LTBP1: variants seen among roughly 807,000 people sequenced by gnomAD.
LTBP1 encodes the protein latent transforming growth factor beta binding protein 1, also known as latent-transforming growth factor beta-binding protein 1.
Under a neutral mutation model 207.6 loss-of-function variants are expected in LTBP1, and 129 were observed. That is an observed-to-expected ratio of 0.62 (90% CI 0.54 to 0.72). The LOEUF (loss-of-function observed/expected upper bound fraction) is 0.72. Ranked by LOEUF, LTBP1 falls within the 30% of genes least tolerant of loss-of-function variation. The pLI is 0.00. For synonymous variants in LTBP1, 963 were observed against 833.7 expected (o/e 1.16, Z -2.67); for missense variants, 2,281 against 2,217.2 (o/e 1.03, Z -0.58).
intron 24 of LTBP1, among the ~76,000 whole-genome samples, chr2:33,319,444 G>A (rs186396660): frequency 6.6e-6 from 1 of 152,190 alleles, no homozygotes; most frequent in African/African-American, 2.4e-5. Flanking sequence ...AAGCTGATTT[G>A]AGATTCGGTC....
chr2:33,067,144 C>G (rs2077553687), intron 3 of LTBP1, among the ~76,000 whole-genome samples: 1 of 152,188 alleles, frequency 6.6e-6, no homozygotes, highest in South Asian at 2.1e-4. Context: ...TGCCCTCCAC[C>G]CTGGGCTACA....
At chr2:33,033,666 G>A (rs1218975619) in intron 3 of LTBP1, among the ~76,000 whole-genome samples, 1 of 150,976 alleles carries the variant, frequency 6.6e-6, no homozygotes, top group Admixed American at 6.6e-5. Context: ...CAATCTGAAA[G>A]CTAACTGGCT....
chr2:32,964,929 A>G (rs1572852713), intron 2 of LTBP1, among the ~76,000 whole-genome samples: 1 of 151,986 alleles, frequency 6.6e-6, no homozygotes. Context: ...AGTCCCAGCT[A>G]CTCGGGAGGC....
At chr2:33,089,523 A>G (rs915664993) in intron 3 of LTBP1, among the ~76,000 whole-genome samples, 1 of 152,196 alleles carries the variant, frequency 6.6e-6, no homozygotes, top group African/African-American at 2.4e-5. Flanking sequence ...AGTGCACAAG[A>G]TAGCCCCCTA....
chr2:33,368,855 C>T (rs1484181859), intron 31 of LTBP1, among the ~76,000 whole-genome samples: 1 of 152,152 alleles, frequency 6.6e-6, no homozygotes, highest in Non-Finnish European at 1.5e-5. Flanking sequence ...CCATCCTGGG[C>T]AGCAGAGCCA....
intron 31 of LTBP1, among the ~76,000 whole-genome samples, chr2:33,371,230 T>C (rs943036093): frequency 2.8e-4 from 42 of 152,356 alleles, no homozygotes; most frequent in African/African-American, 9.6e-4. Flanking sequence ...TTCCTGATTT[T>C]TCCTTCACCA....
At chr2:33,008,919 G>A (rs1025809540) in intron 2 of LTBP1, among the ~76,000 whole-genome samples, 1 of 152,226 alleles carries the variant, frequency 6.6e-6, no homozygotes, top group Non-Finnish European at 1.5e-5. Flanking sequence ...GATGGAAGCA[G>A]GCTTGGTGTG....
At chr2:32,976,322 G>A (rs1263292536) in intron 2 of LTBP1, among the ~76,000 whole-genome samples, 4 of 152,156 alleles carry the variant, frequency 2.6e-5, no homozygotes, top group Non-Finnish European at 5.9e-5. Flanking sequence ...CCTCAGGGCC[G>A]TGGCAGTGGG....
chr2:32,977,340 C>T (rs539552274), intron 2 of LTBP1, among the ~76,000 whole-genome samples: 13 of 152,348 alleles, frequency 8.5e-5, no homozygotes, highest in Admixed American at 2.6e-4. Flanking sequence ...TCCCTGCCGT[C>T]TGGGTGTTTC....
chr2:33,305,644 A>C (rs541884158), intron 22 of LTBP1, among the ~76,000 whole-genome samples: 19 of 152,302 alleles, frequency 1.2e-4, no homozygotes, highest in African/African-American at 4.3e-4. Context: ...GTATCTATGC[A>C]TTTGGAATTT....
rs114513599 is a variant in LTBP1 at position 33,189,508 on chromosome 2, T to G, written c.1701+657T>G. Among the ~76,000 whole-genome samples, 825 of 152,332 alleles carry G rather than the reference T, an allele frequency of 5.4e-3. 4 individuals carry two copies. Among genetic ancestry groups the G allele is most frequent in the Middle Eastern group, 0.031 (9 of 294 alleles). ...ACCATGCCTGGCTTCCAGAAATGTT[T>G]CAGGAAGTCCATGATTACCTGTTTC... On this transcript the variant is annotated intron_variant, in intron 7 of 33. Coordinates refer to ENST00000404816, the MANE Select transcript of LTBP1 (RefSeq NM_206943.4).
intron 4 of LTBP1, 87 bp downstream of exon 4, chr2:33,110,838 CA>C (rs1450023839): frequency 2.4e-5 from 29 of 1,201,108 alleles, no homozygotes; most frequent in Non-Finnish European, 2.9e-5. Context: ...TTTAATGTGT[CA>C]CAGTAAATAA....
intron 5 of LTBP1, among the ~76,000 whole-genome samples, chr2:33,182,717 C>T (rs1245240981): frequency 0.023 from 1,580 of 69,504 alleles, 173 homozygotes; most frequent in African/African-American, 0.081. Context: ...CACACACACA[C>T]ACACACACAC....
chr2:33,100,790 A>G (rs1362712054), intron 3 of LTBP1, among the ~76,000 whole-genome samples: 4 of 152,216 alleles, frequency 2.6e-5, no homozygotes, highest in African/African-American at 9.6e-5. Context: ...GAATCAAATC[A>G]TACAGCATTT....
At chr2:33,287,909 A>C (rs576064804) in intron 19 of LTBP1, among the ~76,000 whole-genome samples, 2 of 152,204 alleles carry the variant, frequency 1.3e-5, no homozygotes, top group African/African-American at 4.8e-5. Flanking sequence ...TCATTTTGCC[A>C]TGCTTGCTTT....
intron 3 of LTBP1, among the ~76,000 whole-genome samples, chr2:33,102,493 C>T (rs2079794732): frequency 6.6e-6 from 1 of 152,154 alleles, no homozygotes; most frequent in African/African-American, 2.4e-5. Context: ...TCTTAATGAC[C>T]ATTACTAAAA....
chr2:33,363,662 A>C, intron 29 of LTBP1, 144 bp downstream of exon 29: 1 of 901,972 alleles, frequency 1.1e-6, no homozygotes, highest in Non-Finnish European at 1.6e-6. Flanking sequence ...CTTTTTCTTA[A>C]GCACAATTGA....
intron 3 of LTBP1, among the ~76,000 whole-genome samples, chr2:33,028,559 A>G (rs2075542877): frequency 6.6e-6 from 1 of 152,136 alleles, no homozygotes; most frequent in Admixed American, 6.5e-5. Flanking sequence ...TCCCAGCTGT[A>G]TCTCAGGAAA....
chr2:33,337,079 C>T (rs1312896061), intron 24 of LTBP1, among the ~76,000 whole-genome samples: 1 of 152,156 alleles, frequency 6.6e-6, no homozygotes, highest in Non-Finnish European at 1.5e-5. Context: ...GAAAACCCTG[C>T]CTTCTTTCCA....
Sources: allele counts gnomAD v4.1 joint callset (sites outside exome capture counted in the v4.1 genomes callset), GRCh38; gene constraint gnomAD v4.1.1; transcripts MANE v1.5; gene names NCBI Gene and HGNC (gene_info 2026-07-23, HGNC 2026-07-21).